The following ENPP2 variants were observed in gnomAD, a reference collection of about 807,000 sequenced individuals.
ENPP2 encodes the protein autotaxin.
Under a neutral mutation model 120.2 loss-of-function variants are expected in ENPP2, and 51 were observed. That is an observed-to-expected ratio of 0.42 (90% CI 0.34 to 0.54). The LOEUF (loss-of-function observed/expected upper bound fraction) is 0.54. Among genes scored for constraint, ENPP2 ranks in the 20% least tolerant of loss-of-function variants. ENPP2 has a pLI of 0.04. For missense variants in ENPP2, 920 were observed against 1,066.5 expected (o/e 0.86, Z 1.91); for synonymous variants, 365 against 366.4 (o/e 1.00, Z 0.04).
rs772839115 is a variant in ENPP2 at position 119,617,258 on chromosome 8, G to T, written c.578-15C>A. 1 of 1,593,080 alleles carries T rather than the reference G, an allele frequency of 6.3e-7. No individual in the cohort carries two copies. The highest frequency in any genetic ancestry group is 8.6e-7 in the Non-Finnish European group (1 of 1,160,966). ...GCCACAAGACCCTGGAAAGAGAATT[G>T]CAAATATTAGAACAAGAGAACCAAC... is the stretch of plus-strand genomic sequence containing the variant. On this transcript the variant is annotated splice_polypyrimidine_tract_variant and intron_variant, in intron 6 of 24. Transcript: ENST00000075322.
intron 19 of ENPP2, among the ~76,000 whole-genome samples, chr8:119,574,237 T>C (rs987822129): frequency 6.6e-6 from 1 of 152,168 alleles, no homozygotes; most frequent in Non-Finnish European, 1.5e-5. Flanking sequence ...ACTGCATTTT[T>C]GTTGAGCAAA....
chr8:119,651,826 A>G (rs191560854), intron 1 of ENPP2, among the ~76,000 whole-genome samples: 2 of 152,320 alleles, frequency 1.3e-5, no homozygotes, highest in Admixed American at 6.5e-5. Context: ...TTATCAGACA[A>G]TTGCCTAAAT....
chr8:119,586,157 G>A (rs1343225047), intron 15 of ENPP2, 29 bp downstream of exon 15: 1 of 1,602,020 alleles, frequency 6.2e-7, no homozygotes, highest in South Asian at 1.1e-5. Flanking sequence ...GTGGAAATGA[G>A]AAACAGAAAT....
At position 119,568,220 on chromosome 8, in the gene ENPP2, C is replaced by T. The variant is rs780927674; in HGVS notation, c.2086G>A (p.Ala696Thr). ...LSSSPEAKYDAFLVTNMVPMY... is the reference protein window; with the variant it reads ...LSSSPEAKYDTFLVTNMVPMY... ...GGAACCATATTGGTTACAAGGAATG[C>T]ATCATATTTAGCCTCTGGTGAAGAG... is the stretch of plus-strand genomic sequence containing the variant. Residue 696 changes from alanine (A) to threonine (T), a missense_variant, in exon 22 of 25, where the codon GCA becomes ACA. Transcript: ENST00000075322. The T allele has an allele frequency of 3.1e-6, 5 of 1,599,614 alleles. No homozygotes were observed. The African/African-American group carries it at 5.4e-5, about 17-fold the overall frequency.
At position 119,557,401 on chromosome 8, in the gene ENPP2, G is replaced by T; in HGVS notation, c.*120C>A. The T allele has an allele frequency of 1.3e-6, 1 of 794,372 alleles. No homozygotes were observed. The highest frequency in any genetic ancestry group is 1.9e-5 in the South Asian group (1 of 53,182). The allele number at this position is 794,372 out of a possible 1,614,324, so 49.2% of individuals were successfully genotyped here. A position where few individuals can be genotyped will look rare whatever the true frequency, so the allele number is the denominator to read the frequency against. On this transcript the variant is annotated 3_prime_UTR_variant, in exon 25 of 25. Transcript: ENST00000075322. Reference sequence around the variant, plus strand: ...GGAGTCATTCAGGCATAATATGTCAGATTTGGTACAGGATTAAAATACTAA... The same window carrying T: ...GGAGTCATTCAGGCATAATATGTCATATTTGGTACAGGATTAAAATACTAA...
intron 12 of ENPP2, chr8:119,593,045 A>T (rs942460582): frequency 3.1e-6 from 2 of 651,238 alleles, no homozygotes; most frequent in Non-Finnish European, 1.9e-6. Context: ...TACAGGAGAT[A>T]CCCTTTAGAA....
In ENPP2 at chr8:119,557,412, G is replaced by A; in HGVS notation, c.*109C>T. On this transcript the variant is annotated 3_prime_UTR_variant, in exon 25 of 25. Coordinates refer to ENST00000075322, the MANE Select transcript of ENPP2 (RefSeq NM_001040092.3). The stretch of plus-strand genomic sequence containing the variant: ...GGCATAATATGTCAGATTTGGTACA[G>A]GATTAAAATACTAACATTTTTAATG... 1.1e-6 allele frequency: 1 copy of A among 895,952 alleles called. No homozygotes were observed. The highest frequency in any genetic ancestry group is 1.7e-6 in the Non-Finnish European group (1 of 594,460). 55.5% of individuals were successfully genotyped at this position (895,952 alleles called of 1,614,324 possible). A position where few individuals can be genotyped will look rare whatever the true frequency, so the allele number is the denominator to read the frequency against.
At chr8:119,566,075 A>C (rs916604299) in intron 22 of ENPP2, among the ~76,000 whole-genome samples, 1 of 152,074 alleles carries the variant, frequency 6.6e-6, no homozygotes, top group Non-Finnish European at 1.5e-5. Flanking sequence ...AAGCTTTTGC[A>C]CTTGCTCTTT....
At chr8:119,590,181 T>C (rs977480276) in intron 13 of ENPP2, among the ~76,000 whole-genome samples, 4 of 152,228 alleles carry the variant, frequency 2.6e-5, no homozygotes, top group South Asian at 2.1e-4. Flanking sequence ...CTTCTGTTTA[T>C]GGTCATGAAT....
chr8:119,662,448 C>T (rs918000130), intron 1 of ENPP2, among the ~76,000 whole-genome samples: 3 of 152,012 alleles, frequency 2.0e-5, no homozygotes, highest in Non-Finnish European at 2.9e-5. Flanking sequence ...GGAACTAGTT[C>T]GAAACGCAAA....
intron 23 of ENPP2, among the ~76,000 whole-genome samples, chr8:119,563,965 TC>T (rs1814181916): frequency 2.0e-5 from 3 of 150,912 alleles, no homozygotes; most frequent in Admixed American, 2.0e-4. Context: ...TCTGAATTTG[TC>T]AACAAATTTG....
intron 11 of ENPP2, chr8:119,595,974 G>A (rs540074619): frequency 5.5e-5 from 89 of 1,613,904 alleles, no homozygotes; most frequent in Non-Finnish European, 6.8e-5. Flanking sequence ...TCTCTTAGCC[G>A]GAGTAAAAGG....
rs1563680979 is a variant in ENPP2, at chr8:119,573,407, T to TAAAAAAAAAAAAAAAAAAAAAAA, written c.1781-2567_1781-2566insTTTTTTTTTTTTTTTTTTTTTTT. Among the ~76,000 whole-genome samples, 28 of 71,538 alleles carry TAAAAAAAAAAAAAAAAAAAAAAA rather than the reference T, an allele frequency of 3.9e-4. 2 individuals carry two copies. The highest frequency in any genetic ancestry group is 1.8e-3 in the African/African-American group (25 of 14,068). 46.9% of individuals were successfully genotyped at this position (71,538 alleles called of 152,430 possible). The stretch of plus-strand genomic sequence containing the variant: ...AGGTGACAGAGCGAGGCTCCGTCTC[T>TAAAAAAAAAAAAAAAAAAAAAAA]TAAAAAAAAAAAAAAAAAAGATTCA... On this transcript the variant is annotated intron_variant, in intron 19 of 24. Transcript: ENST00000075322.
chr8:119,582,869 A>G (rs113314001), intron 17 of ENPP2, among the ~76,000 whole-genome samples: 2,838 of 152,350 alleles, frequency 0.019, 40 homozygotes, highest in Middle Eastern at 0.058. Flanking sequence ...GAAAGAGTGA[A>G]GGAACAAGAC....
chr8:119,563,959 A>C (rs1339411171), intron 23 of ENPP2, among the ~76,000 whole-genome samples: 1 of 150,888 alleles, frequency 6.6e-6, no homozygotes, highest in Middle Eastern at 3.5e-3. Flanking sequence ...CAACATTCTG[A>C]ATTTGTCAAC....
intron 1 of ENPP2, among the ~76,000 whole-genome samples, chr8:119,649,795 A>T (rs1451398015): frequency 6.6e-6 from 1 of 152,250 alleles, no homozygotes; most frequent in African/African-American, 2.4e-5. Context: ...AATGAACAAT[A>T]AGCAAATGAA....
upstream of ENPP2, among the ~76,000 whole-genome samples, chr8:119,642,981 T>C (rs546280823): frequency 9.8e-5 from 15 of 152,330 alleles, no homozygotes; most frequent in African/African-American, 3.6e-4. Context: ...TTTCTCATTA[T>C]GCAGAACTGA....
chr8:119,660,656 T>C (rs927377149), intron 1 of ENPP2, among the ~76,000 whole-genome samples: 1 of 152,234 alleles, frequency 6.6e-6, no homozygotes, highest in Non-Finnish European at 1.5e-5. Flanking sequence ...TTTCCACTTG[T>C]TTCATTCTAA....
At chr8:119,606,587 C>T (rs1468946069) in intron 9 of ENPP2, among the ~76,000 whole-genome samples, 1 of 151,298 alleles carries the variant, frequency 6.6e-6, no homozygotes, top group Non-Finnish European at 1.5e-5. Context: ...ACACTTACTT[C>T]TCAGCTCAGA....
Sources: allele counts gnomAD v4.1 joint callset (sites outside exome capture counted in the v4.1 genomes callset), GRCh38; gene constraint gnomAD v4.1.1; transcripts MANE v1.5; gene names NCBI Gene and HGNC (gene_info 2026-07-23, HGNC 2026-07-21).